The following ST7 variants were observed in gnomAD, a reference collection of about 807,000 sequenced individuals.
ST7 encodes suppression of tumorigenicity 7, also known as suppressor of tumorigenicity 7 protein.
Under a neutral mutation model 78.7 loss-of-function variants are expected in ST7, and 28 were observed. The ratio of observed to expected loss-of-function variants is 0.36; its 90% CI spans 0.26 to 0.49. The LOEUF is 0.49. Among genes scored for constraint, ST7 ranks in the 20% least tolerant of loss-of-function variants. The pLI is 0.99. For synonymous variants in ST7, 247 were observed against 249.6 expected (o/e 0.99, Z 0.10); for missense variants, 418 against 696.0 (o/e 0.60, Z 4.49).
chr7:117,010,406 C>A (rs1304334850), intron 1 of ST7, among the ~76,000 whole-genome samples: 1 of 152,178 alleles, frequency 6.6e-6, no homozygotes, highest in Non-Finnish European at 1.5e-5. Flanking sequence ...AGTCTTCTCA[C>A]ATTTTGGGAT....
intron 15 of ST7, 64 bp from the exon 16 acceptor site, chr7:117,229,698 G>C: frequency 2.2e-6 from 3 of 1,347,156 alleles, no homozygotes; most frequent in Non-Finnish European, 3.1e-6. Context: ...TGGGTGGAGA[G>C]GTTTGTTTTA....
chr7:117,020,955 C>T (rs1365627265), intron 1 of ST7, among the ~76,000 whole-genome samples: 1 of 152,070 alleles, frequency 6.6e-6, no homozygotes, highest in Non-Finnish European at 1.5e-5. Context: ...GTGCTTAAAC[C>T]TTAAAATAGA....
At chr7:117,003,782 T>C (rs1795042414) in intron 1 of ST7, among the ~76,000 whole-genome samples, 2 of 152,158 alleles carry the variant, frequency 1.3e-5, no homozygotes, top group Admixed American at 6.5e-5. Flanking sequence ...TTTAAGAAAA[T>C]GTTTCATAGG....
At chr7:117,151,635 C>A (rs1806255215) in intron 9 of ST7, among the ~76,000 whole-genome samples, 2 of 152,092 alleles carry the variant, frequency 1.3e-5, no homozygotes, top group African/African-American at 2.4e-5. Flanking sequence ...TGTCTGTATT[C>A]CCCACCTCCA....
chr7:117,063,031 A>G (rs1363010070), intron 1 of ST7, among the ~76,000 whole-genome samples: 1 of 152,256 alleles, frequency 6.6e-6, no homozygotes. Flanking sequence ...TGCTCTCATT[A>G]ATCAATAGTG....
chr7:117,216,763 C>G (rs1252263677), intron 13 of ST7, among the ~76,000 whole-genome samples: 3 of 150,652 alleles, frequency 2.0e-5, no homozygotes, highest in Non-Finnish European at 4.4e-5. Flanking sequence ...AGCCAAAAGC[C>G]TTAATATTAT....
intron 15 of ST7, among the ~76,000 whole-genome samples, chr7:117,225,902 G>A (rs898558068): frequency 1.3e-5 from 2 of 152,296 alleles, no homozygotes; most frequent in Non-Finnish European, 2.9e-5. Flanking sequence ...CTACCTCAGT[G>A]ATTTAGGACT....
rs1563062362 is a variant in ST7, at chr7:117,076,928, CTT to C, written c.152-22833_152-22832del. ...TATCTGCATTCATGGCTCCTGAGCTCTTGTCTGGCACCCAGGAGAAACAAGTT... is the reference window on the plus strand; with the variant it reads ...TATCTGCATTCATGGCTCCTGAGCTCGTCTGGCACCCAGGAGAAACAAGTT... On this transcript the variant is annotated intron_variant, in intron 1 of 15. Coordinates refer to ENST00000323984, the MANE Select transcript of ST7 (RefSeq NM_001369598.1). 5.3e-5 allele frequency among the ~76,000 whole-genome samples: 8 copies of C among 152,290 alleles called. No homozygotes were observed. The South Asian group carries it at 1.2e-3, about 24-fold the overall frequency.
chr7:116,961,701 G>T (rs993904716), intron 1 of ST7, among the ~76,000 whole-genome samples: 7 of 151,792 alleles, frequency 4.6e-5, no homozygotes, highest in Non-Finnish European at 7.4e-5. Flanking sequence ...TTTATATCCT[G>T]AGACTTTGCT....
intron 1 of ST7, among the ~76,000 whole-genome samples, chr7:117,076,193 G>A (rs1039448467): frequency 9.2e-5 from 14 of 152,268 alleles, no homozygotes; most frequent in South Asian, 4.1e-4. Context: ...TCAGTGTGGC[G>A]AGCAGCAGGA....
intron 1 of ST7, among the ~76,000 whole-genome samples, chr7:116,963,814 G>A (rs1215295101): frequency 3.3e-5 from 5 of 151,906 alleles, no homozygotes; most frequent in Non-Finnish European, 7.4e-5. Flanking sequence ...TGTATTTTTA[G>A]TAGAGACAGG....
chr7:116,970,638 A>G (rs1793371161), intron 1 of ST7, among the ~76,000 whole-genome samples: 1 of 152,242 alleles, frequency 6.6e-6, no homozygotes, highest in African/African-American at 2.4e-5. Flanking sequence ...AGCTCCAGGT[A>G]CCATCACAGT....
chr7:117,009,273 T>G (rs1795285207), intron 1 of ST7, among the ~76,000 whole-genome samples: 1 of 150,336 alleles, frequency 6.7e-6, no homozygotes, highest in Admixed American at 6.6e-5. Flanking sequence ...TTTTTTTTGT[T>G]TTTGGCCTCT....
At chr7:117,129,299 G>T (rs1804138091) in intron 3 of ST7, among the ~76,000 whole-genome samples, 1 of 151,810 alleles carries the variant, frequency 6.6e-6, no homozygotes, top group African/African-American at 2.4e-5. Flanking sequence ...TAAGGCAAAA[G>T]CAAACTGGTA....
At chr7:116,983,279 ATCTC>A (rs1218769536) in intron 1 of ST7, among the ~76,000 whole-genome samples, 3 of 152,030 alleles carry the variant, frequency 2.0e-5, no homozygotes, top group Non-Finnish European at 4.4e-5. Context: ...TCCTCATCTA[ATCTC>A]TCTGTTTCCT....
At chr7:117,135,111 T>TG (rs1234561474) in intron 7 of ST7, among the ~76,000 whole-genome samples, 1 of 151,874 alleles carries the variant, frequency 6.6e-6, no homozygotes, top group Non-Finnish European at 1.5e-5. Context: ...GGAAGGAGAG[T>TG]GAAAGGATGG....
chr7:117,037,002 GC>G (rs1796932627), intron 1 of ST7, among the ~76,000 whole-genome samples: 2 of 152,112 alleles, frequency 1.3e-5, no homozygotes, highest in Non-Finnish European at 2.9e-5. Context: ...CAAGTAAAAA[GC>G]CACAGGTTGG....
At chr7:117,109,358 T>A (rs1802236189) in intron 2 of ST7, among the ~76,000 whole-genome samples, 2 of 152,028 alleles carry the variant, frequency 1.3e-5, no homozygotes. Context: ...CCAAATAAGC[T>A]CAATTAGAAA....
Position 117,131,978 on chromosome 7 carries a change from T to C in ST7, c.641+18T>C. ...ATAAATGAGTAAGTGGGGGAAAATC[T>C]TGCTGTTAAAAAGGAAATCTCATCC... On this transcript the variant is annotated intron_variant, in intron 6 of 15. Transcript: ENST00000323984. 1 of 1,608,970 alleles carries C rather than the reference T, an allele frequency of 6.2e-7. No individual in the cohort carries two copies. Among genetic ancestry groups the C allele is most frequent in the Non-Finnish European group, 8.5e-7 (1 of 1,176,552 alleles).
Sources: allele counts gnomAD v4.1 joint callset (sites outside exome capture counted in the v4.1 genomes callset), GRCh38; gene constraint gnomAD v4.1.1; transcripts MANE v1.5; gene names NCBI Gene and HGNC (gene_info 2026-07-23, HGNC 2026-07-21).